Variants in ADGRV1 observed in about 807,000 individuals in gnomAD.
ADGRV1 encodes the protein adhesion G protein-coupled receptor V1.
ADGRV1 carries 359 observed loss-of-function variants against 596.2 expected under a neutral mutation model. That is an observed-to-expected ratio of 0.60 (90% CI 0.55 to 0.66). ADGRV1 has a LOEUF of 0.66. Ranked by LOEUF, ADGRV1 falls within the 30% of genes least tolerant of loss-of-function variation. The pLI is 0.00. For synonymous variants in ADGRV1, 2,681 were observed against 2,679.2 expected, an observed-to-expected ratio of 1.00 and a Z score of -0.02; for missense variants, 7,274 against 7,575.6, an observed-to-expected ratio of 0.96 and a Z score of 1.48.
chr5:90,966,251 C>T (rs531715826), intron 84 of ADGRV1, among the ~76,000 whole-genome samples: 24 of 151,990 alleles, frequency 1.6e-4, no homozygotes, highest in Admixed American at 1.1e-3. Context: ...GAGGAGAGGG[C>T]GATACATTTA....
At chr5:90,686,074 C>A in intron 29 of ADGRV1, 79 bp downstream of exon 29, 1 of 835,430 alleles carries the variant, frequency 1.2e-6, no homozygotes, top group Non-Finnish European at 1.6e-6. Context: ...TTAACACAGC[C>A]TCTCAAAGTT....
chr5:90,713,483 G>A (rs1749671677), intron 42 of ADGRV1, among the ~76,000 whole-genome samples: 1 of 151,938 alleles, frequency 6.6e-6, no homozygotes, highest in Non-Finnish European at 1.5e-5. Context: ...AATAGTCTAT[G>A]TACAAATAAC....
intron 1 of ADGRV1, among the ~76,000 whole-genome samples, chr5:90,585,102 A>G (rs951691409): frequency 1.8e-4 from 28 of 152,340 alleles, no homozygotes; most frequent in African/African-American, 6.5e-4. Flanking sequence ...TGGAATTTCA[A>G]CTGAAGCACC....
At chr5:90,889,793 A>C (rs1159229020) in intron 83 of ADGRV1, among the ~76,000 whole-genome samples, 1 of 152,154 alleles carries the variant, frequency 6.6e-6, no homozygotes, top group East Asian at 1.9e-4. Flanking sequence ...ATATGAGGAT[A>C]ATTGTCCTAA....
chr5:90,692,268 T>G (rs1228922643), intron 31 of ADGRV1, among the ~76,000 whole-genome samples: 1 of 152,290 alleles, frequency 6.6e-6, no homozygotes, highest in Non-Finnish European at 1.5e-5. Context: ...AGATTTTTTT[T>G]AAAAAAGTTA....
chr5:90,593,802 GT>G (rs59652722), intron 1 of ADGRV1, among the ~76,000 whole-genome samples: 2 of 150,978 alleles, frequency 1.3e-5, no homozygotes, highest in Admixed American at 6.6e-5. Context: ...CTTGGTAGGA[GT>G]TTTTTTTTGG....
chr5:90,653,138 C>A, intron 19 of ADGRV1, 71 bp from the exon 20 acceptor site: 7 of 1,366,734 alleles, frequency 5.1e-6, no homozygotes, highest in Non-Finnish European at 6.8e-6. Flanking sequence ...TAAACAAATT[C>A]TTTTTTCTTC....
chr5:90,927,826 G>T lies in ADGRV1; in HGVS notation c.17857-37589G>T, dbSNP rs188046903. On this transcript the variant is annotated intron_variant, in intron 83 of 89. Transcript: ENST00000405460. ...TCAGGAGCTCTTTTAGGGCAGGCCT[G>T]GTGGTGATAAAATCTCTCAGCATTT... 2.6e-4 allele frequency among the ~76,000 whole-genome samples: 39 copies of T among 152,130 alleles called. No individual in the cohort carries two copies. The East Asian group carries it at 7.4e-3, about 29-fold the overall frequency.
chr5:90,574,189 G>A (rs1403045748), intron 1 of ADGRV1, among the ~76,000 whole-genome samples: 1 of 151,166 alleles, frequency 6.6e-6, no homozygotes, highest in African/African-American at 2.4e-5. Flanking sequence ...TTTAAATTCT[G>A]TGAAGAATGA....
chr5:90,829,539 T>G (rs138395959), intron 77 of ADGRV1, among the ~76,000 whole-genome samples: 29 of 152,306 alleles, frequency 1.9e-4, no homozygotes, highest in African/African-American at 6.0e-4. Context: ...TATGTTTTGT[T>G]TCCAAAACAG....
At chr5:90,655,779 G>A (rs762194277) in intron 20 of ADGRV1, 1 of 151,912 alleles carries the variant, frequency 6.6e-6, no homozygotes, top group Non-Finnish European at 1.5e-5. Context: ...ATAATGCTGT[G>A]TTCAATATAG....
At chr5:90,729,513 T>G (rs1042595001) in intron 49 of ADGRV1, 129 bp from the exon 50 acceptor site, 7 of 716,332 alleles carry the variant, frequency 9.8e-6, no homozygotes, top group Non-Finnish European at 1.6e-5. Context: ...TAACTTGTAT[T>G]TTTATTGGAC....
intron 50 of ADGRV1, among the ~76,000 whole-genome samples, chr5:90,734,009 T>A (rs1752892014): frequency 6.6e-6 from 1 of 152,188 alleles, no homozygotes; most frequent in South Asian, 2.1e-4. Context: ...ACTAGTGAGA[T>A]CATGCAGTAT....
chr5:90,950,670 A>C (rs1776981805), intron 83 of ADGRV1, among the ~76,000 whole-genome samples: 1 of 152,186 alleles, frequency 6.6e-6, no homozygotes, highest in Admixed American at 6.5e-5. Flanking sequence ...AGAACCAATT[A>C]TACAGGATAA....
intron 67 of ADGRV1, among the ~76,000 whole-genome samples, chr5:90,785,357 T>C (rs1324909737): frequency 2.0e-5 from 3 of 152,214 alleles, no homozygotes; most frequent in African/African-American, 7.2e-5. Context: ...AAGGACTTCA[T>C]GTCTAAAACA....
Position 90,627,135 on chromosome 5 carries a change from T to C in ADGRV1, c.673-76T>C, listed in dbSNP as rs1764869292. On this transcript the variant is annotated intron_variant, in intron 6 of 89. Coordinates refer to ENST00000405460, the MANE Select transcript of ADGRV1 (RefSeq NM_032119.4). ...TCTATGTAATTGTATTGAAACATAA[T>C]GACTTGTTACACTTTAGTTTATTTG... 7 of 764,142 alleles carry C rather than the reference T, an allele frequency of 9.2e-6. No homozygotes were observed. In the East Asian group the frequency reaches 1.9e-4, roughly 21 times the overall value. The allele number at this position is 764,142 out of a possible 1,614,324, so 47.3% of individuals were successfully genotyped here.
At chr5:91,113,875 CGT>C in intron 87 of ADGRV1, among the ~76,000 whole-genome samples, 1 of 151,566 alleles carries the variant, frequency 6.6e-6, no homozygotes, top group Non-Finnish European at 1.5e-5. Flanking sequence ...GCCGAGATCA[CGT>C]CACTTTACTC....
At chr5:90,722,904 T>A (rs1164089032) in intron 45 of ADGRV1, among the ~76,000 whole-genome samples, 1 of 151,744 alleles carries the variant, frequency 6.6e-6, no homozygotes, top group African/African-American at 2.4e-5. Flanking sequence ...AGGTTCAACT[T>A]GAATGGCTGA....
At chr5:90,782,443 G>T (rs916160113) in intron 65 of ADGRV1, among the ~76,000 whole-genome samples, 1 of 151,816 alleles carries the variant, frequency 6.6e-6, no homozygotes, top group Non-Finnish European at 1.5e-5. Flanking sequence ...TGGGAATTTT[G>T]GTCAGTGTAT....
Sources: allele counts gnomAD v4.1 joint callset (sites outside exome capture counted in the v4.1 genomes callset), GRCh38; gene constraint gnomAD v4.1.1; transcripts MANE v1.5; gene names NCBI Gene and HGNC (gene_info 2026-07-23, HGNC 2026-07-21).